Variants in ARMH1 observed in about 807,000 individuals in gnomAD.
ARMH1 encodes the protein armadillo like helical domain containing 1, also known as armadillo-like helical domain containing protein 1.
ARMH1 carries 34 observed loss-of-function variants against 50.2 expected under a neutral mutation model. The observed-to-expected ratio is 0.68, with a 90% CI of 0.51 to 0.90. The LOEUF (loss-of-function observed/expected upper bound fraction) is 0.90. Ranked by LOEUF, ARMH1 falls within the 40% of genes least tolerant of loss-of-function variation. The pLI is 0.00. For synonymous variants in ARMH1, 221 were observed against 224.2 expected, an observed-to-expected ratio of 0.99 and a Z score of 0.13; for missense variants, 538 against 553.9, an observed-to-expected ratio of 0.97 and a Z score of 0.29.
chr1:44,709,455 G>A (rs3008979), intron 6 of ARMH1, among the ~76,000 whole-genome samples: 119,392 of 152,028 alleles, frequency 0.79, 46,984 homozygotes, highest in African/African-American at 0.83. Context: ...GGCGGATCAC[G>A]AGGTCAGGAG....
At chr1:44,720,789 A>T (rs1186775665) in intron 6 of ARMH1, among the ~76,000 whole-genome samples, 2 of 152,014 alleles carry the variant, frequency 1.3e-5, no homozygotes, top group Non-Finnish European at 2.9e-5. Flanking sequence ...TAATCCCAGC[A>T]CTTTCGGAGG....
Position 44,725,437 on chromosome 1 carries a change from G to A in ARMH1, c.*34G>A. The A allele has an allele frequency of 6.5e-7, 1 of 1,547,962 alleles. No homozygotes were observed. Among genetic ancestry groups the A allele is most frequent in the Non-Finnish European group, 8.7e-7 (1 of 1,143,710 alleles). On this transcript the variant is annotated 3_prime_UTR_variant, in exon 12 of 12. Transcript: ENST00000535358. ...GTGGCAAACCAGGAAGGCCAAGGCTGCGGGGCAGGGAAGCCTGGCAAGAGG... is the reference window on the plus strand; with the variant it reads ...GTGGCAAACCAGGAAGGCCAAGGCTACGGGGCAGGGAAGCCTGGCAAGAGG...
chr1:44,696,934 C>G (rs747758198), intron 2 of ARMH1, among the ~76,000 whole-genome samples, 168 bp from the exon 3 acceptor site: 33 of 152,236 alleles, frequency 2.2e-4, no homozygotes, highest in Non-Finnish European at 3.7e-4. Flanking sequence ...TCCCCCAACC[C>G]TGTGTGTACT....
intron 1 of ARMH1, among the ~76,000 whole-genome samples, chr1:44,678,434 A>G (rs1044054167): frequency 6.6e-6 from 1 of 152,008 alleles, no homozygotes; most frequent in African/African-American, 2.4e-5. Flanking sequence ...TCTACCAGGA[A>G]GTGATGAGTA....
intron 2 of ARMH1, among the ~76,000 whole-genome samples, chr1:44,692,290 A>C (rs550431433): frequency 6.6e-6 from 1 of 151,736 alleles, no homozygotes; most frequent in African/African-American, 2.4e-5. Flanking sequence ...TATTTGACCA[A>C]CTCCTACTCT....
chr1:44,697,777 A>G (rs1221146010), intron 3 of ARMH1, among the ~76,000 whole-genome samples: 1 of 152,062 alleles, frequency 6.6e-6, no homozygotes, highest in Non-Finnish European at 1.5e-5. Context: ...CCAAAACTAC[A>G]TGGCCCATGA....
chr1:44,725,208 G>A lies in ARMH1; in HGVS notation c.1201G>A (p.Val401Ile), dbSNP rs1405011912. 2 of 1,551,994 alleles carry A rather than the reference G, an allele frequency of 1.3e-6. No homozygotes were observed. Among genetic ancestry groups the A allele is most frequent in the Admixed American group, 3.9e-5 (2 of 51,014 alleles). The change falls in exon 11 of 12, where the codon GTT (valine) becomes ATT (isoleucine). Residue 401 changes from valine (V) to isoleucine (I), a missense_variant. By Grantham distance (29) the Val-to-Ile change is conservative. Coordinates refer to ENST00000535358, the MANE Select transcript of ARMH1 (RefSeq NM_001145636.2). ...ADILAANTVN[V>I]TKALCLHGSS... ...CATCTTGGCGGCCAACACAGTCAATGTTACCAAAGGTGAGTGTGGGACGAG... is the reference window on the plus strand; with the variant it reads ...CATCTTGGCGGCCAACACAGTCAATATTACCAAAGGTGAGTGTGGGACGAG...
chr1:44,696,409 G>C (rs1457361595), intron 2 of ARMH1, among the ~76,000 whole-genome samples: 6 of 152,226 alleles, frequency 3.9e-5, no homozygotes, highest in Non-Finnish European at 8.8e-5. Flanking sequence ...AAGAGCCTCT[G>C]ATGTGTTATG....
chr1:44,718,869 C>T (rs1646960236), intron 6 of ARMH1, among the ~76,000 whole-genome samples: 1 of 151,808 alleles, frequency 6.6e-6, no homozygotes, highest in Non-Finnish European at 1.5e-5. Context: ...ACTGAAAATA[C>T]AAAAAATTAG....
Position 44,724,470 on chromosome 1 carries a change from C to T in ARMH1, c.921-69C>T, listed in dbSNP as rs1647930572. 1 of 1,517,962 alleles carries T rather than the reference C, an allele frequency of 6.6e-7. No homozygotes were observed. The allele number at this position is 1,517,962 out of a possible 1,614,324, so 94.0% of individuals were successfully genotyped here. On this transcript the variant is annotated intron_variant, in intron 8 of 11. Transcript: ENST00000535358. This position sits in a 1 kb window ranked among gnomAD's most constrained non-coding sequence, Gnocchi z 6.4. ...CGGCGGGCCCCGGGAGCGCTCCGTG[C>T]GCCGGGTGGGCGGGGGTGTGCGCCG...
intron 1 of ARMH1, among the ~76,000 whole-genome samples, chr1:44,677,163 A>C (rs567877469): frequency 6.6e-6 from 1 of 152,346 alleles, no homozygotes; most frequent in African/African-American, 2.4e-5. Context: ...AAGAGCAGAG[A>C]AAGATTAAAA....
At position 44,724,812 on chromosome 1, in the gene ARMH1, G is replaced by C. The variant is rs1052477513; in HGVS notation, c.1101G>C (p.Met367Ile). 1.9e-6 allele frequency: 3 copies of C among 1,542,904 alleles called. No homozygotes were observed. Among genetic ancestry groups the C allele is most frequent in the Non-Finnish European group, 2.6e-6 (3 of 1,146,722 alleles). The stretch of plus-strand genomic sequence containing the variant: ...TGGCGGAGCACGTGCGCAAGTGCAT[G>C]GGGGAGGAACTCTACCAGCTCTTCC... ...PLVAEHVRKC[M>I]GEELYQLFLS... Residue 367 changes from methionine to isoleucine, a missense_variant, in exon 10 of 12, where the codon ATG becomes ATC. Physicochemically the swap from Met to Ile is conservative, Grantham distance 10. Coordinates refer to ENST00000535358, the MANE Select transcript of ARMH1 (RefSeq NM_001145636.2). This position sits in a 1 kb window ranked among gnomAD's most constrained non-coding sequence, Gnocchi z 6.4.
At position 44,683,579 on chromosome 1, in the gene ARMH1, A is replaced by G. The variant is rs562974251; in HGVS notation, c.-22-6097A>G. 6.6e-6 allele frequency among the ~76,000 whole-genome samples: 1 copy of G among 152,372 alleles called. No homozygotes were observed. The highest frequency in any genetic ancestry group is 2.4e-5 in the African/African-American group (1 of 41,596). ...TTAGGAAAAGAGTCATTCACAATCCATCAGAGAGACCAAGCACGCTGGGAC... is the reference window on the plus strand; with the variant it reads ...TTAGGAAAAGAGTCATTCACAATCCGTCAGAGAGACCAAGCACGCTGGGAC... On this transcript the variant is annotated intron_variant, in intron 1 of 11. Coordinates refer to ENST00000535358, the MANE Select transcript of ARMH1 (RefSeq NM_001145636.2). This position sits in a 1 kb window ranked among gnomAD's most constrained non-coding sequence, Gnocchi z 4.2.
Position 44,704,147 on chromosome 1 carries a change from C to A in ARMH1, c.698C>A (p.Thr233Lys). The A allele has an allele frequency of 6.4e-7, 1 of 1,551,170 alleles. No homozygotes were observed. ...GACTGCGTGCTGAAGGTGCTGGGCACGATGCACCTGGAAGTCCAGTATGAA... is the reference window on the plus strand; with the variant it reads ...GACTGCGTGCTGAAGGTGCTGGGCAAGATGCACCTGGAAGTCCAGTATGAA... ...IVDCVLKVLG[T>K]MHLEVQYEAI... Residue 233 changes from threonine to lysine, a missense_variant, in exon 6 of 12, where the codon ACG becomes AAG. Physicochemically the swap from Thr to Lys is moderately conservative, Grantham distance 78. Coordinates refer to ENST00000535358, the MANE Select transcript of ARMH1 (RefSeq NM_001145636.2).
rs1172099860 is a variant in ARMH1, at chr1:44,724,353, C to A, written c.881C>A (p.Pro294Gln). Residue 294 changes from proline to glutamine, a missense_variant, in exon 8 of 12, where the codon CCG becomes CAG. Coordinates refer to ENST00000535358, the MANE Select transcript of ARMH1 (RefSeq NM_001145636.2). This position sits in a 1 kb window ranked among gnomAD's most constrained non-coding sequence, Gnocchi z 6.4. ...GTTCTCCAGCTCACCCCCAGCCTGC[C>A]GATGTTTTTGCAGCAGGCCGCGGCC... Reference protein sequence around the residue: ...PSVLQLTPSLPMFLQQAAAAK... With the variant: ...PSVLQLTPSLQMFLQQAAAAK... 6.4e-7 allele frequency: 1 copy of A among 1,551,456 alleles called. No homozygotes were observed. The highest frequency in any genetic ancestry group is 2.0e-5 in the Admixed American group (1 of 51,000).
intron 6 of ARMH1, among the ~76,000 whole-genome samples, chr1:44,722,135 G>C (rs1342549397): frequency 6.6e-6 from 1 of 152,224 alleles, no homozygotes; most frequent in South Asian, 2.1e-4. Context: ...CAAATGAGCT[G>C]AGCGCCGGAA....
intron 2 of ARMH1, among the ~76,000 whole-genome samples, chr1:44,690,302 A>G (rs1178607967): frequency 6.6e-6 from 1 of 152,078 alleles, no homozygotes; most frequent in Non-Finnish European, 1.5e-5. Context: ...CTTGATTCTG[A>G]TATTTTAGAA....
intron 6 of ARMH1, among the ~76,000 whole-genome samples, chr1:44,722,903 CAAAAAAAA>C (rs71036693): frequency 3.5e-5 from 3 of 85,988 alleles, no homozygotes; most frequent in East Asian, 3.5e-4. Flanking sequence ...ACTAAAAATA[CAAAAAAAA>C]AAAAAAAAAA....
chr1:44,692,288 C>G (rs886470145), intron 2 of ARMH1, among the ~76,000 whole-genome samples: 3 of 152,102 alleles, frequency 2.0e-5, no homozygotes, highest in Non-Finnish European at 2.9e-5. Context: ...CTTATTTGAC[C>G]AACTCCTACT....
Sources: gnomAD v4.1 joint callset for allele counts (sites outside exome capture counted in the v4.1 genomes callset) on GRCh38, gnomAD v4.1.1 for gene constraint, Gnocchi (gnomAD v3.1) non-coding constraint, MANE v1.5 for transcripts, NCBI Gene and HGNC (gene_info 2026-07-23, HGNC 2026-07-21) for gene names.